TLK1: variants seen among roughly 807,000 people sequenced by gnomAD.
The protein encoded by TLK1 is tousled like kinase 1, also known as serine/threonine-protein kinase tousled-like 1.
In TLK1, 24 loss-of-function variants were observed where a neutral mutation model predicts 105.3. The ratio of observed to expected loss-of-function variants is 0.23; its 90% CI spans 0.17 to 0.32. The LOEUF is 0.32. Among genes scored for constraint, TLK1 ranks in the 10% least tolerant of loss-of-function variants. The pLI, the probability that TLK1 is intolerant of heterozygous loss-of-function variation, is 1.00. For missense variants in TLK1, 558 were observed against 910.5 expected, an observed-to-expected ratio of 0.61 and a Z score of 4.98; for synonymous variants, 321 against 310.4, an observed-to-expected ratio of 1.03 and a Z score of -0.36.
chr2:171,049,369 T>C (rs1195645779), intron 10 of TLK1, among the ~76,000 whole-genome samples: 2 of 152,204 alleles, frequency 1.3e-5, no homozygotes, highest in Non-Finnish European at 2.9e-5. Flanking sequence ...AATCAGTTAT[T>C]ATATCTGAGG....
chr2:171,039,329 G>A (rs1266323269), intron 11 of TLK1, among the ~76,000 whole-genome samples: 1 of 152,098 alleles, frequency 6.6e-6, no homozygotes. Context: ...GCAATGGCAC[G>A]CACATGGCTC....
chr2:171,043,197 T>C lies in TLK1; in HGVS notation c.1169+2977A>G, dbSNP rs1376188058. Reference sequence around the variant, plus strand: ...GACATTGATGCTGCGACTGAAGAGATAGAGGGTACTTACTATGGTGATACC... The same window carrying C: ...GACATTGATGCTGCGACTGAAGAGACAGAGGGTACTTACTATGGTGATACC... On this transcript the variant is annotated intron_variant, in intron 11 of 20. Transcript: ENST00000431350. 2.6e-5 allele frequency among the ~76,000 whole-genome samples: 4 copies of C among 152,170 alleles called. No homozygotes were observed. In the South Asian group the frequency reaches 6.2e-4, roughly 24 times the overall value.
chr2:171,006,304 C>A (rs370429355), intron 17 of TLK1, 22 bp from the exon 18 acceptor site: 23 of 1,561,602 alleles, frequency 1.5e-5, no homozygotes, highest in South Asian at 2.5e-5. Flanking sequence ...ATATAAGATT[C>A]TTTTAATGAT....
intron 11 of TLK1, among the ~76,000 whole-genome samples, chr2:171,032,870 A>C (rs1478156114): frequency 1.3e-5 from 2 of 152,198 alleles, no homozygotes; most frequent in Non-Finnish European, 2.9e-5. Flanking sequence ...AAATTAACTA[A>C]AAATGAATGA....
intron 6 of TLK1, 63 bp downstream of exon 6, chr2:171,056,408 A>T (rs916121185): frequency 6.2e-5 from 84 of 1,346,240 alleles, no homozygotes; most frequent in Non-Finnish European, 8.3e-5. Context: ...CAAATTATAA[A>T]ACTTATTCAG....
intron 1 of TLK1, among the ~76,000 whole-genome samples, chr2:171,155,938 G>T (rs974699178): frequency 6.6e-6 from 1 of 152,048 alleles, no homozygotes; most frequent in African/African-American, 2.4e-5. Flanking sequence ...CCTATTTACT[G>T]AAATCCAAGT....
intron 20 of TLK1, among the ~76,000 whole-genome samples, chr2:170,994,998 T>C (rs1310245736): frequency 6.6e-6 from 1 of 152,196 alleles, no homozygotes; most frequent in Non-Finnish European, 1.5e-5. Flanking sequence ...TTTCTTTGCT[T>C]TGAAATTCAT....
chr2:171,011,171 C>CT (rs541887717), intron 14 of TLK1, among the ~76,000 whole-genome samples: 1 of 151,734 alleles, frequency 6.6e-6, no homozygotes, highest in East Asian at 1.9e-4. Flanking sequence ...ACCTGGCTGA[C>CT]TTTTTTTTAA....
At chr2:171,180,362 T>TA (rs1198497485) in intron 1 of TLK1, among the ~76,000 whole-genome samples, 2 of 152,096 alleles carry the variant, frequency 1.3e-5, no homozygotes. Flanking sequence ...TCTTCTTGAG[T>TA]ATGGATAATT....
intron 1 of TLK1, among the ~76,000 whole-genome samples, chr2:171,197,640 G>A (rs1299263722): frequency 6.6e-6 from 1 of 152,086 alleles, no homozygotes; most frequent in Non-Finnish European, 1.5e-5. Flanking sequence ...TTAGCTGGGC[G>A]TGGTGGTGCA....
At chr2:171,218,179 A>G (rs1434911659) in intron 1 of TLK1, among the ~76,000 whole-genome samples, 2 of 152,184 alleles carry the variant, frequency 1.3e-5, no homozygotes, top group African/African-American at 4.8e-5. Flanking sequence ...GCTTAAACCC[A>G]GAGGCAGAGG....
chr2:171,056,175 A>C (rs1355856881), intron 6 of TLK1, among the ~76,000 whole-genome samples: 1 of 152,202 alleles, frequency 6.6e-6, no homozygotes, highest in Non-Finnish European at 1.5e-5. Context: ...ACAGACTGAT[A>C]CAAGAGTACT....
chr2:171,044,456 T>C (rs1686843752), intron 11 of TLK1, among the ~76,000 whole-genome samples: 2 of 152,126 alleles, frequency 1.3e-5, no homozygotes, highest in Middle Eastern at 3.2e-3. Context: ...TTAGTAAATA[T>C]AGTTTTGAAC....
At chr2:171,189,495 A>T (rs1470057143) in intron 1 of TLK1, among the ~76,000 whole-genome samples, 1 of 152,212 alleles carries the variant, frequency 6.6e-6, no homozygotes, top group Non-Finnish European at 1.5e-5. Flanking sequence ...GTTCATAAGA[A>T]GTATGGGAAA....
chr2:171,105,159 T>C (rs1486552997), intron 2 of TLK1, among the ~76,000 whole-genome samples: 3 of 152,164 alleles, frequency 2.0e-5, no homozygotes, highest in Non-Finnish European at 4.4e-5. Context: ...CAAACTATTA[T>C]CTCAAACTAA....
At chr2:171,006,936 T>C (rs373744412) in intron 15 of TLK1, 36 bp downstream of exon 15, 1 of 1,603,602 alleles carries the variant, frequency 6.2e-7, no homozygotes, top group East Asian at 2.2e-5. Context: ...TCAAAAAATA[T>C]TCAATTTTAA....
chr2:171,227,140 A>G (rs1448517661), intron 1 of TLK1, among the ~76,000 whole-genome samples: 1 of 152,048 alleles, frequency 6.6e-6, no homozygotes, highest in Non-Finnish European at 1.5e-5. Context: ...AAGTGTCCCA[A>G]TCAAGCTTTG....
At chr2:171,060,092 G>A in intron 4 of TLK1, 1 of 1,520,532 alleles carries the variant, frequency 6.6e-7, no homozygotes, top group Non-Finnish European at 8.8e-7. Context: ...ATATAAGTGA[G>A]GAAGGTGAAA....
intron 3 of TLK1, among the ~76,000 whole-genome samples, chr2:171,071,703 G>A (rs1157465128): frequency 6.6e-6 from 1 of 152,148 alleles, no homozygotes; most frequent in Non-Finnish European, 1.5e-5. Flanking sequence ...TAGTTTCACA[G>A]TTTGAGGTCT....
Sources: allele counts gnomAD v4.1 joint callset (sites outside exome capture counted in the v4.1 genomes callset), GRCh38; gene constraint gnomAD v4.1.1; transcripts MANE v1.5; gene names NCBI Gene and HGNC (gene_info 2026-07-23, HGNC 2026-07-21).